The following DLGAP2 variants were observed in gnomAD, a reference collection of about 807,000 sequenced individuals.
DLGAP2 encodes DLG associated protein 2, also known as disks large-associated protein 2.
Under a neutral mutation model 100.3 loss-of-function variants are expected in DLGAP2, and 26 were observed. The ratio of observed to expected loss-of-function variants is 0.26; its 90% CI spans 0.19 to 0.36. The LOEUF is 0.36. Ranked by LOEUF, DLGAP2 falls within the 10% of genes least tolerant of loss-of-function variation. The probability of loss-of-function intolerance (pLI) is 1.00; values close to 1 mark genes in which losing one functional copy is unlikely to be tolerated. For synonymous variants in DLGAP2, 886 were observed against 630.1 expected (o/e 1.41, Z -6.08); for missense variants, 1,858 against 1,453.2 (o/e 1.28, Z -4.53).
chr8:1,359,150 C>T (rs890376310), intron 3 of DLGAP2, among the ~76,000 whole-genome samples: 1 of 152,170 alleles, frequency 6.6e-6, no homozygotes, highest in Non-Finnish European at 1.5e-5. Flanking sequence ...CTCTAGGCCA[C>T]GTATCCCTGC....
chr8:1,510,018 C>A (rs929964531), intron 4 of DLGAP2, among the ~76,000 whole-genome samples: 1 of 152,196 alleles, frequency 6.6e-6, no homozygotes, highest in Admixed American at 6.5e-5. Flanking sequence ...ATTTCCATGA[C>A]AACTAATTTA....
chr8:1,685,216 C>T (rs993818500), intron 12 of DLGAP2, among the ~76,000 whole-genome samples: 4 of 152,180 alleles, frequency 2.6e-5, no homozygotes, highest in African/African-American at 9.7e-5. Flanking sequence ...CCCAGAGAGA[C>T]TCTGAGAATG....
chr8:855,286 C>A (rs570873080), intron 1 of DLGAP2, among the ~76,000 whole-genome samples: 251 of 152,232 alleles, frequency 1.6e-3, no homozygotes, highest in Non-Finnish European at 2.9e-3. Context: ...GCACTTTCAG[C>A]ATGAATGCCT....
chr8:1,018,771 TTAAC>T (rs750644389), intron 2 of DLGAP2: 1 of 152,372 alleles, frequency 6.6e-6, no homozygotes, highest in South Asian at 2.1e-4. Flanking sequence ...AGCAGTCACT[TTAAC>T]TAAAAAGTCT....
intron 2 of DLGAP2, among the ~76,000 whole-genome samples, chr8:963,872 A>G (rs533082627): frequency 5.9e-5 from 9 of 152,344 alleles, no homozygotes; most frequent in South Asian, 2.1e-4. Context: ...TTTTTGTGCA[A>G]TTAATACAAG....
chr8:1,186,926 G>A (rs369799221), intron 2 of DLGAP2, among the ~76,000 whole-genome samples: 7 of 152,132 alleles, frequency 4.6e-5, no homozygotes, highest in Non-Finnish European at 4.4e-5. Context: ...TTGGGAAATT[G>A]TGTGGGGCAG....
chr8:1,320,073 G>A (rs1426636668), intron 3 of DLGAP2, among the ~76,000 whole-genome samples: 2 of 152,052 alleles, frequency 1.3e-5, no homozygotes, highest in Non-Finnish European at 2.9e-5. Context: ...ACTCGGGAGT[G>A]GTTGGGCTCT....
In DLGAP2 at chr8:1,322,163, C is replaced by T. The variant is rs139634351; in HGVS notation, c.106+63280C>T. 5.9e-5 allele frequency among the ~76,000 whole-genome samples: 9 copies of T among 152,204 alleles called. No homozygotes were observed. In the East Asian group the frequency reaches 1.7e-3, roughly 29 times the overall value. On this transcript the variant is annotated intron_variant, in intron 3 of 14. Transcript: ENST00000637795. ...ATTTTTTTCTAGCAAACTGTTCCTT[C>T]AACATAGGTGAATTCTTTAATTTTG... is the stretch of plus-strand genomic sequence containing the variant.
chr8:1,355,333 G>A (rs894585339), intron 3 of DLGAP2, among the ~76,000 whole-genome samples: 2 of 152,010 alleles, frequency 1.3e-5, no homozygotes, highest in African/African-American at 2.4e-5. Flanking sequence ...GATTGTTTTT[G>A]TTTTTTTATC....
At chr8:1,168,299 G>A (rs929019534) in intron 2 of DLGAP2, among the ~76,000 whole-genome samples, 4 of 151,740 alleles carry the variant, frequency 2.6e-5, no homozygotes, top group Non-Finnish European at 5.9e-5. Context: ...CATTTGGGTT[G>A]GTTCCAAGTC....
chr8:916,252 A>C (rs985235196), intron 2 of DLGAP2, among the ~76,000 whole-genome samples: 1 of 152,242 alleles, frequency 6.6e-6, no homozygotes, highest in African/African-American at 2.4e-5. Context: ...GAAATTGATG[A>C]CAAAACCCAA....
intron 1 of DLGAP2, among the ~76,000 whole-genome samples, chr8:759,235 T>C (rs1395006449): frequency 4.1e-4 from 55 of 133,662 alleles, no homozygotes; most frequent in African/African-American, 1.4e-3. Context: ...CTGTTATCAA[T>C]ACCCGCAACA....
chr8:1,362,862 G>T (rs946238038), intron 3 of DLGAP2, among the ~76,000 whole-genome samples: 1 of 152,218 alleles, frequency 6.6e-6, no homozygotes, highest in Non-Finnish European at 1.5e-5. Flanking sequence ...TTCAAAGTCA[G>T]TGGCTAGTTT....
intron 3 of DLGAP2, among the ~76,000 whole-genome samples, chr8:1,455,575 C>G (rs1310995677): frequency 6.6e-6 from 1 of 152,234 alleles, no homozygotes; most frequent in African/African-American, 2.4e-5. Context: ...TTTTGCTTTT[C>G]CTTGCAGCCT....
At chr8:1,446,861 A>T (rs894889507) in intron 3 of DLGAP2, among the ~76,000 whole-genome samples, 4 of 152,144 alleles carry the variant, frequency 2.6e-5, no homozygotes, top group African/African-American at 4.8e-5. Flanking sequence ...GCAATTATGA[A>T]TGGGAGTTCA....
At chr8:1,693,013 A>C (rs1799292517) in intron 13 of DLGAP2, among the ~76,000 whole-genome samples, 3 of 148,240 alleles carry the variant, frequency 2.0e-5, no homozygotes, top group South Asian at 2.1e-4. Flanking sequence ...AATCATATGC[A>C]TCTATATGTT....
rs1459462031 is a variant in DLGAP2, at chr8:1,635,459, C to T, written c.1810+2413C>T. ...CTTGGAAATTGATATCCTAGCACTA[C>T]GTTCAATAGCTGTCATTTACTGATC... On this transcript the variant is annotated intron_variant, in intron 8 of 14. Transcript: ENST00000637795. Among the ~76,000 whole-genome samples, 5 of 152,278 alleles carry T rather than the reference C, an allele frequency of 3.3e-5. No individual in the cohort carries two copies. The East Asian group carries it at 5.8e-4, about 18-fold the overall frequency.
chr8:1,124,185 A>T (rs1201638672), intron 2 of DLGAP2, among the ~76,000 whole-genome samples: 1 of 152,206 alleles, frequency 6.6e-6, no homozygotes, highest in Non-Finnish European at 1.5e-5. Flanking sequence ...TTCTCATAGC[A>T]TACATAGAAC....
rs62487195 is a variant in DLGAP2 at position 1,537,108 on chromosome 8, G to A, written c.173-11518G>A. 1.2e-4 allele frequency among the ~76,000 whole-genome samples: 16 copies of A among 135,270 alleles called. 1 individual carries two copies. Among genetic ancestry groups the A allele is most frequent in the African/African-American group, 2.8e-4 (10 of 35,940 alleles). The allele number at this position is 135,270 out of a possible 152,430, so 88.7% of individuals were successfully genotyped here. ...TGGTATGTGGTGTGTGGTGTGTGGT[G>A]TGTGGTATGTGGTAGACCCCTGCAG... On this transcript the variant is annotated intron_variant, in intron 4 of 14. Transcript: ENST00000637795.
Sources: allele counts gnomAD v4.1 joint callset (sites outside exome capture counted in the v4.1 genomes callset), GRCh38; gene constraint gnomAD v4.1.1; transcripts MANE v1.5; gene names NCBI Gene and HGNC (gene_info 2026-07-23, HGNC 2026-07-21).